RABEPK: variants seen among roughly 807,000 people sequenced by gnomAD.
RABEPK encodes Rab9 effector protein with kelch motifs.
Under a neutral mutation model 34.1 loss-of-function variants are expected in RABEPK, and 27 were observed. That is an observed-to-expected ratio of 0.79 (90% confidence interval 0.58 to 1.09). The LOEUF is 1.09. Ranked by LOEUF, RABEPK falls within the 50% of genes least tolerant of loss-of-function variation. RABEPK has a pLI of 0.00. For missense variants in RABEPK, 449 were observed against 462.6 expected, an observed-to-expected ratio of 0.97 and a Z score of 0.27; for synonymous variants, 172 against 169.2, an observed-to-expected ratio of 1.02 and a Z score of -0.13.
At chr9:125,212,473 C>T (rs1830649382) in intron 3 of RABEPK, among the ~76,000 whole-genome samples, 1 of 152,058 alleles carries the variant, frequency 6.6e-6, no homozygotes, top group Non-Finnish European at 1.5e-5. Context: ...CCCACCTCGG[C>T]CTCCCAAAGT....
intron 6 of RABEPK, 130 bp from the exon 7 acceptor site, chr9:125,232,465 AT>A: frequency 1.0e-6 from 1 of 989,198 alleles, no homozygotes; most frequent in Non-Finnish European, 1.4e-6. Context: ...AATAATTCTT[AT>A]GTGCACTAAA....
intron 5 of RABEPK, among the ~76,000 whole-genome samples, chr9:125,226,562 G>T (rs1831764868): frequency 6.6e-6 from 1 of 151,240 alleles, no homozygotes; most frequent in Non-Finnish European, 1.5e-5. Context: ...CCGTCTCTAT[G>T]AAAATACAAA....
intron 3 of RABEPK, among the ~76,000 whole-genome samples, chr9:125,208,477 A>G (rs1830383973): frequency 1.3e-5 from 2 of 151,764 alleles, no homozygotes; most frequent in South Asian, 4.1e-4. Context: ...GGTTCAAGAG[A>G]TTCTCCTGCC....
At chr9:125,225,297 A>C (rs545558272) in intron 5 of RABEPK, among the ~76,000 whole-genome samples, 43 of 152,218 alleles carry the variant, frequency 2.8e-4, no homozygotes, top group African/African-American at 9.4e-4. Context: ...AGGCAGGAGA[A>C]TTGCTTGAAC....
rs537895466 is a variant in RABEPK, at chr9:125,204,101, G to A, written c.53+1035G>A. 2.4e-3 allele frequency among the ~76,000 whole-genome samples: 359 copies of A among 151,168 alleles called. 2 individuals are homozygous for A. Among genetic ancestry groups the A allele is most frequent in the African/African-American group, 8.5e-3 (349 of 41,168 alleles). ...TGTAATCCCAGCACTTTGGGAGGCC[G>A]AGGTGGGCGGATCACGAGGTCAGGA... On this transcript the variant is annotated intron_variant, in intron 2 of 7. Transcript: ENST00000373538.
chr9:125,213,659 AAAATAGGAATTTTAAC>A, intron 4 of RABEPK, 137 bp downstream of exon 4: 1 of 773,426 alleles, frequency 1.3e-6, no homozygotes. Flanking sequence ...GCTGACATAG[AAAATAGGAATTTTAAC>A]TTGTAGCATA....
intron 1 of RABEPK, 110 bp from the exon 2 acceptor site, chr9:125,202,898 A>G (rs1829995159): frequency 7.0e-6 from 4 of 569,680 alleles, no homozygotes; most frequent in Non-Finnish European, 1.2e-5. Flanking sequence ...ATTCAAATCA[A>G]TCAGGCCTAG....
intron 5 of RABEPK, among the ~76,000 whole-genome samples, chr9:125,225,600 A>C (rs1381222369): frequency 6.6e-6 from 1 of 152,100 alleles, no homozygotes; most frequent in African/African-American, 2.4e-5. Flanking sequence ...AGACAGGTGG[A>C]TCATTTTAGG....
chr9:125,232,654 C>T lies in RABEPK; in HGVS notation c.735C>T (p.Ala245=). 3.1e-6 allele frequency: 5 copies of T among 1,614,110 alleles called. No homozygotes were observed. The highest frequency in any genetic ancestry group is 4.2e-6 in the Non-Finnish European group (5 of 1,179,976). The change falls in exon 7 of 8, where the codon GCC becomes GCT. Residue 245 remains alanine (A), a synonymous_variant. Coordinates refer to ENST00000373538, the MANE Select transcript of RABEPK (RefSeq NM_005833.4). ...GGGCTGCTCCAGCAGGCTGTGCTGC[C>T]CACTCAGCTGTGGCCATGGGAAAAC... ...PTGAAPAGCA[A]HSAVAMGKHV...
chr9:125,220,698 C>T lies in RABEPK; in HGVS notation c.524C>T (p.Ala175Val). The T allele has an allele frequency of 6.2e-7, 1 of 1,613,740 alleles. No individual in the cohort carries two copies. The highest frequency in any genetic ancestry group is 1.7e-4 in the Middle Eastern group (1 of 6,058). ...GACACGAAGCTGCATGTGTTTGACG[C>T]AAGTATGGACTGGTGGGCACCTTGG... ...VQDTKLHVFD[A>V]NTLTWSQPET... The change falls in exon 5 of 8, where the codon GCA becomes GTA. Residue 175 changes from alanine (A) to valine (V), a missense_variant and splice_region_variant. Physicochemically the swap from Ala to Val is moderately conservative, Grantham distance 64 (BLOSUM62 0). Coordinates refer to ENST00000373538, the MANE Select transcript of RABEPK (RefSeq NM_005833.4).
At chr9:125,227,824 A>C in intron 5 of RABEPK, 86 bp from the exon 6 acceptor site, 2 of 1,318,654 alleles carry the variant, frequency 1.5e-6, no homozygotes, top group Non-Finnish European at 2.0e-6. Context: ...TCCGCTTGCT[A>C]GGAGGTGCTA....
At position 125,233,780 on chromosome 9, in the gene RABEPK, T is replaced by A. The variant is rs753077933; in HGVS notation, c.919T>A (p.Cys307Ser). ...SMCIIPWPVT[C>S]ASEKEDSNSL... ...GTGTATCATTCCATGGCCAGTGACGTGTGCTTCTGAGAAAGAAGATTCCAA... is the reference window on the plus strand; with the variant it reads ...GTGTATCATTCCATGGCCAGTGACGAGTGCTTCTGAGAAAGAAGATTCCAA... Residue 307 changes from cysteine to serine, a missense_variant, in exon 8 of 8, where the codon TGT becomes AGT. Coordinates refer to ENST00000373538, the MANE Select transcript of RABEPK (RefSeq NM_005833.4). 8 of 1,614,084 alleles carry A rather than the reference T, an allele frequency of 5.0e-6. No homozygotes were observed.
chr9:125,211,819 A>G (rs987827179), intron 3 of RABEPK, among the ~76,000 whole-genome samples: 3 of 152,182 alleles, frequency 2.0e-5, no homozygotes, highest in African/African-American at 7.2e-5. Context: ...AAATACAAAA[A>G]TTAGCCAGGC....
intron 7 of RABEPK, among the ~76,000 whole-genome samples, chr9:125,233,381 C>T (rs934608992): frequency 1.4e-5 from 2 of 147,000 alleles, no homozygotes; most frequent in African/African-American, 5.1e-5. Flanking sequence ...CTCTGTCGCC[C>T]AGGCTGTAGT....
intron 2 of RABEPK, among the ~76,000 whole-genome samples, chr9:125,205,770 G>A (rs1489360877): frequency 6.6e-6 from 1 of 152,188 alleles, no homozygotes; most frequent in East Asian, 1.9e-4. Flanking sequence ...TTACAGGCGT[G>A]AGCCACTGCG....
At position 125,207,013 on chromosome 9, in the gene RABEPK, C is replaced by T. The variant is rs749624063; in HGVS notation, c.54-551C>T. On this transcript the variant is annotated intron_variant, in intron 2 of 7. Transcript: ENST00000373538. ...CTGAGGCAGGAGAATCGCTTGAACC[C>T]GGGAGGCGGAGGTTGTAGTGAGCCG... Among the ~76,000 whole-genome samples, 281 of 151,468 alleles carry T rather than the reference C, an allele frequency of 1.9e-3. 1 individual carries two copies. Among genetic ancestry groups the T allele is most frequent in the Non-Finnish European group, 2.5e-3 (171 of 67,892 alleles).
At chr9:125,225,880 T>C (rs552694644) in intron 5 of RABEPK, among the ~76,000 whole-genome samples, 4 of 151,654 alleles carry the variant, frequency 2.6e-5, no homozygotes, top group Non-Finnish European at 5.9e-5. Context: ...GTTGACTCAC[T>C]TGAACCTGGG....
At chr9:125,233,659 A>G in intron 7 of RABEPK, 29 bp from the exon 8 acceptor site, 1 of 1,595,598 alleles carries the variant, frequency 6.3e-7, no homozygotes, top group Non-Finnish European at 8.6e-7. Flanking sequence ...AAATTTCTTA[A>G]CATGAAGCCT....
intron 3 of RABEPK, 115 bp downstream of exon 3, chr9:125,207,836 A>G: frequency 7.8e-7 from 1 of 1,284,488 alleles, no homozygotes; most frequent in Non-Finnish European, 1.1e-6. Context: ...ATAAGAAAAC[A>G]TGGCCAGGAC....
Sources: allele counts gnomAD v4.1 joint callset (sites outside exome capture counted in the v4.1 genomes callset), GRCh38; gene constraint gnomAD v4.1.1; transcripts MANE v1.5; gene names NCBI Gene and HGNC (gene_info 2026-07-23, HGNC 2026-07-21).